Variants in RMND5B observed in about 807,000 individuals in gnomAD.
The protein encoded by RMND5B is required for meiotic nuclear division 5 homolog B, also known as E3 ubiquitin-protein transferase RMND5B.
RMND5B carries 42 observed loss-of-function variants against 50.4 expected under a neutral mutation model. The ratio of observed to expected loss-of-function variants is 0.83; its 90% CI spans 0.65 to 1.08. The LOEUF is 1.08. Ranked by LOEUF, RMND5B falls within the 50% of genes least tolerant of loss-of-function variation. RMND5B has a pLI of 0.00. For synonymous variants in RMND5B, 220 were observed against 210.0 expected, an observed-to-expected ratio of 1.05 and a Z score of -0.41; for missense variants, 463 against 508.5, an observed-to-expected ratio of 0.91 and a Z score of 0.86.
At chr5:178,143,558 A>T in intron 5 of RMND5B, 69 bp from the exon 6 acceptor site, 1 of 1,222,200 alleles carries the variant, frequency 8.2e-7, no homozygotes, top group Non-Finnish European at 1.2e-6. Flanking sequence ...AGCTTTTATT[A>T]TGTGCATAGC....
At chr5:178,139,544 A>T (rs1202558853) in intron 3 of RMND5B, among the ~76,000 whole-genome samples, 1 of 15,682 alleles carries the variant, frequency 6.4e-5, no homozygotes, top group Non-Finnish European at 1.6e-4. Context: ...TTGTCCCAGG[A>T]ATTTTTTTTT....
chr5:178,138,128 G>T lies in RMND5B; in HGVS notation c.9G>T (p.Gln3His). ...CCCAGGCTGAGGCCACCATGGAGCA[G>T]TGTGCGTGCGTGGAGAGAGAGCTGG... ME[Q>H]CACVERELDK... Residue 3 changes from glutamine (Q) to histidine (H), a missense_variant, in exon 3 of 11, where the codon CAG (glutamine) becomes CAT (histidine). By Grantham distance (24) the Gln-to-His change is conservative. Transcript: ENST00000313386. The surrounding 1 kb of genome is among the most constrained non-coding windows in gnomAD (Gnocchi z 5.1). 6.3e-7 allele frequency: 1 copy of T among 1,598,970 alleles called. No homozygotes were observed. The highest frequency in any genetic ancestry group is 1.3e-5 in the African/African-American group (1 of 74,702).
chr5:178,147,564 TTGA>T lies in RMND5B; in HGVS notation c.896_898del (p.Met299del). ...CTCTGGCTGTGTGGCGCTGCCTGTG[TTGA>T]TGAACATCAAGGCTGTGATTGAGCA... On this transcript the variant is annotated inframe_deletion, in exon 9 of 11. Transcript: ENST00000313386. The T allele has an allele frequency of 1.9e-6, 3 of 1,614,176 alleles. No homozygotes were observed. Among genetic ancestry groups the T allele is most frequent in the Non-Finnish European group, 2.5e-6 (3 of 1,180,032 alleles).
intron 7 of RMND5B, 118 bp from the exon 8 acceptor site, chr5:178,145,995 AG>A: frequency 9.7e-7 from 1 of 1,028,646 alleles, no homozygotes; most frequent in South Asian, 1.7e-5. Flanking sequence ...CAGTCTCCTC[AG>A]GGGCTTGGGA....
rs1758739577 is a variant in RMND5B, at chr5:178,138,479, CAACT to C, written c.139+222_139+225del. 8.1e-7 allele frequency: 1 copy of C among 1,240,368 alleles called. No individual in the cohort carries two copies. The allele number at this position is 1,240,368 out of a possible 1,614,324, so 76.8% of individuals were successfully genotyped here. A position where few individuals can be genotyped will look rare whatever the true frequency, so the allele number is the denominator to read the frequency against. On this transcript the variant is annotated intron_variant, in intron 3 of 10. Coordinates refer to ENST00000313386, the MANE Select transcript of RMND5B (RefSeq NM_022762.5). This position sits in a 1 kb window ranked among gnomAD's most constrained non-coding sequence, Gnocchi z 5.1. ...ATGATTCCCATTTACATTTTGTTTT[CAACT>C]TACTTTTCTATTTTTAACTTTTTTT...
rs769777761 is a variant in RMND5B at position 178,150,093 on chromosome 5, G to A, written c.*2061G>A. On this transcript the variant is annotated 3_prime_UTR_variant, in exon 11 of 11. Coordinates refer to ENST00000313386, the MANE Select transcript of RMND5B (RefSeq NM_022762.5). ...GCTCCAGCCCAGCAGGGGCTGTCCC[G>A]GTCCCTGCCACCCCCACTTCCTGTG... The A allele has an allele frequency of 6.6e-5, 25 of 377,962 alleles. No homozygotes were observed. Among genetic ancestry groups the A allele is most frequent in the Admixed American group, 8.8e-5 (2 of 22,728 alleles). The allele number at this position is 377,962 out of a possible 1,614,324, so 23.4% of individuals were successfully genotyped here. A position where few individuals can be genotyped will look rare whatever the true frequency, so the allele number is the denominator to read the frequency against.
At chr5:178,134,005 G>C (rs911392946) in intron 2 of RMND5B, among the ~76,000 whole-genome samples, 1 of 152,216 alleles carries the variant, frequency 6.6e-6, no homozygotes, top group Admixed American at 6.5e-5. Flanking sequence ...GAGCCACCGC[G>C]CCCTGCCCCA....
chr5:178,134,234 A>G (rs772163399), intron 2 of RMND5B, among the ~76,000 whole-genome samples: 3 of 152,084 alleles, frequency 2.0e-5, no homozygotes, highest in Non-Finnish European at 4.4e-5. Flanking sequence ...AGGCAGGGAG[A>G]TTTCACTGAG....
chr5:178,146,934 G>A (rs180860777), intron 8 of RMND5B: 2 of 158,560 alleles, frequency 1.3e-5, no homozygotes, highest in East Asian at 1.9e-4. Flanking sequence ...CTGATTCTAC[G>A]CTCATCTGAT....
In RMND5B at chr5:178,138,521, G is replaced by T. The variant is rs1424264309; in HGVS notation, c.139+263G>T. ...TTTAACTTTTTTTCATTTTATAATT[G>T]TGTGTGTGTGTGTGTGTGTGTGTGT... On this transcript the variant is annotated intron_variant, in intron 3 of 10. Transcript: ENST00000313386. The surrounding 1 kb of genome is among the most constrained non-coding windows in gnomAD (Gnocchi z 5.1). The T allele has an allele frequency of 2.5e-6, 1 of 400,074 alleles. No homozygotes were observed. Among genetic ancestry groups the T allele is most frequent in the Non-Finnish European group, 3.8e-6 (1 of 259,836 alleles). The allele number at this position is 400,074 out of a possible 1,614,324, so 24.8% of individuals were successfully genotyped here.
chr5:178,144,116 C>T lies in RMND5B; in HGVS notation c.694+8C>T. ...CTCGGCTGCACCAGCGGGGTGAGTG[C>T]CCAGGCAGCTGGGGTTGTGCTGCCT... On this transcript the variant is annotated splice_region_variant and intron_variant, in intron 7 of 10. Transcript: ENST00000313386. The T allele has an allele frequency of 6.2e-7, 1 of 1,611,082 alleles. No individual in the cohort carries two copies. Among genetic ancestry groups the T allele is most frequent in the East Asian group, 2.2e-5 (1 of 44,832 alleles).
chr5:178,137,501 AAC>A lies in RMND5B; in HGVS notation c.-12-603_-12-602del, dbSNP rs780322468. 6.6e-6 allele frequency among the ~76,000 whole-genome samples: 1 copy of A among 152,156 alleles called. No homozygotes were observed. Among genetic ancestry groups the A allele is most frequent in the Non-Finnish European group, 1.5e-5 (1 of 68,036 alleles). Reference sequence around the variant, plus strand: ...CCAGGAGTTTGAGACCAGCCAGGGCAACACAGAGAGACCCGTCTCTACGAAAA... The same window carrying A: ...CCAGGAGTTTGAGACCAGCCAGGGCAACAGAGAGACCCGTCTCTACGAAAA... On this transcript the variant is annotated intron_variant, in intron 2 of 10. Transcript: ENST00000313386. The surrounding 1 kb of genome is among the most constrained non-coding windows in gnomAD (Gnocchi z 4.4).
intron 7 of RMND5B, among the ~76,000 whole-genome samples, chr5:178,145,265 T>C (rs1044229500): frequency 3.3e-5 from 5 of 151,928 alleles, no homozygotes; most frequent in Admixed American, 3.3e-4. Context: ...GGCGGGTGGA[T>C]CATGAGGTCA....
At chr5:178,143,836 CT>C (rs1257643515) in intron 6 of RMND5B, 105 bp from the exon 7 acceptor site, 2 of 1,480,508 alleles carry the variant, frequency 1.4e-6, no homozygotes, top group African/African-American at 2.8e-5. Flanking sequence ...GCCTGCAGCC[CT>C]GTCTCAAGAG....
chr5:178,137,333 T>C lies in RMND5B; in HGVS notation c.-12-775T>C, dbSNP rs983601053. ...TCAAGGACGGCCTTTATGGTTTATGTTACTATAGTACGTAGAAAAGCAGTT... is the reference window on the plus strand; with the variant it reads ...TCAAGGACGGCCTTTATGGTTTATGCTACTATAGTACGTAGAAAAGCAGTT... On this transcript the variant is annotated intron_variant, in intron 2 of 10. Transcript: ENST00000313386. This position sits in a 1 kb window ranked among gnomAD's most constrained non-coding sequence, Gnocchi z 4.4. Among the ~76,000 whole-genome samples the C allele has an allele frequency of 1.3e-5, 2 of 152,170 alleles. No individual in the cohort carries two copies. The highest frequency in any genetic ancestry group is 6.6e-5 in the Admixed American group (1 of 15,266).
At chr5:178,146,033 T>G in intron 7 of RMND5B, 81 bp from the exon 8 acceptor site, 1 of 1,447,810 alleles carries the variant, frequency 6.9e-7, no homozygotes, top group Non-Finnish European at 9.5e-7. Flanking sequence ...TATTGTGCTG[T>G]GCTGCACAGT....
Position 178,144,147 on chromosome 5 carries a change from G to C in RMND5B, c.694+39G>C, listed in dbSNP as rs772134006. 5 of 1,598,922 alleles carry C rather than the reference G, an allele frequency of 3.1e-6. No individual in the cohort carries two copies. The South Asian group carries it at 4.5e-5, about 14-fold the overall frequency. ...CAGCTGGGGTTGTGCTGCCTGGCCT[G>C]ACACATGTCTGGATGTGGTAGGTTA... On this transcript the variant is annotated intron_variant, in intron 7 of 10. Coordinates refer to ENST00000313386, the MANE Select transcript of RMND5B (RefSeq NM_022762.5).
Position 178,138,453 on chromosome 5 carries a change from G to C in RMND5B, c.139+195G>C. 1.5e-6 allele frequency: 2 copies of C among 1,342,512 alleles called. No individual in the cohort carries two copies. Among genetic ancestry groups the C allele is most frequent in the South Asian group, 3.6e-5 (2 of 55,936 alleles). The allele number at this position is 1,342,512 out of a possible 1,614,324, so 83.2% of individuals were successfully genotyped here. On this transcript the variant is annotated intron_variant, in intron 3 of 10. Coordinates refer to ENST00000313386, the MANE Select transcript of RMND5B (RefSeq NM_022762.5). The surrounding 1 kb of genome is among the most constrained non-coding windows in gnomAD (Gnocchi z 5.1). The stretch of plus-strand genomic sequence containing the variant: ...CCCAACAAATTATTAATTTACCTGA[G>C]ATGATTCCCATTTACATTTTGTTTT...
intron 7 of RMND5B, among the ~76,000 whole-genome samples, chr5:178,145,689 G>A (rs1755965260): frequency 1.3e-5 from 2 of 152,250 alleles, no homozygotes; most frequent in East Asian, 3.9e-4. Context: ...ATAGGCATGA[G>A]CCACCACGCC....
Sources: gnomAD v4.1 joint callset for allele counts (sites outside exome capture counted in the v4.1 genomes callset) on GRCh38, gnomAD v4.1.1 for gene constraint, Gnocchi (gnomAD v3.1) non-coding constraint, MANE v1.5 for transcripts, NCBI Gene and HGNC (gene_info 2026-07-23, HGNC 2026-07-21) for gene names.